BAG2: variants seen among roughly 807,000 people sequenced by gnomAD.
BAG2 encodes BAG cochaperone 2.
In BAG2, 8 loss-of-function variants were observed where a neutral mutation model predicts 16.4. That is an observed-to-expected ratio of 0.49 (90% confidence interval 0.29 to 0.88). The LOEUF is 0.88. Among genes scored for constraint, BAG2 ranks in the 40% least tolerant of loss-of-function variants. BAG2 has a pLI of 0.09. For synonymous variants in BAG2, 82 were observed against 89.2 expected (o/e 0.92, Z 0.46); for missense variants, 218 against 248.9 (o/e 0.88, Z 0.84).
intron 1 of BAG2, among the ~76,000 whole-genome samples, chr6:57,178,260 G>T (rs895881176): frequency 2.0e-5 from 3 of 152,152 alleles, no homozygotes; most frequent in Admixed American, 6.5e-5. Context: ...CAACAGCCAA[G>T]AATTTTCTAG....
rs1764620378 is a variant in BAG2, at chr6:57,186,646, T to G, written c.*2456T>G. The G allele has an allele frequency of 6.6e-6, 1 of 152,128 alleles. No homozygotes were observed. The highest frequency in any genetic ancestry group is 1.5e-5 in the Non-Finnish European group (1 of 68,018). The allele number at this position is 152,128 out of a possible 1,614,324, so 9.4% of individuals were successfully genotyped here. On this transcript the variant is annotated 3_prime_UTR_variant, in exon 3 of 3. Transcript: ENST00000370693. ...GTTGGTTCTTAACATGTATTTTTAT[T>G]TATAAGAATGGGAGTATAATTTATT...
intron 1 of BAG2, among the ~76,000 whole-genome samples, chr6:57,175,194 A>C (rs1052959328): frequency 6.6e-6 from 1 of 152,216 alleles, no homozygotes; most frequent in African/African-American, 2.4e-5. Flanking sequence ...TCAGTGGCTC[A>C]AACCATCTTG....
chr6:57,182,719 T>C (rs752837145), intron 2 of BAG2, among the ~76,000 whole-genome samples: 1 of 152,108 alleles, frequency 6.6e-6, no homozygotes, highest in Non-Finnish European at 1.5e-5. Flanking sequence ...GGCGCGATCT[T>C]GGCTCACTGC....
At position 57,187,341 on chromosome 6, in the gene BAG2, G is replaced by T. The variant is rs1374835289; in HGVS notation, c.*3151G>T. Reference sequence around the variant, plus strand: ...CTGGATATTTCAGAGTCTACTGCGGGTTTTAAATATTTTGTTAGCAAATGA... The same window carrying T: ...CTGGATATTTCAGAGTCTACTGCGGTTTTTAAATATTTTGTTAGCAAATGA... On this transcript the variant is annotated 3_prime_UTR_variant, in exon 3 of 3. Coordinates refer to ENST00000370693, the MANE Select transcript of BAG2 (RefSeq NM_004282.4). 2 of 152,108 alleles carry T rather than the reference G, an allele frequency of 1.3e-5. No homozygotes were observed. Among genetic ancestry groups the T allele is most frequent in the Non-Finnish European group, 2.9e-5 (2 of 68,012 alleles). 9.4% of individuals were successfully genotyped at this position (152,108 alleles called of 1,614,324 possible). A position where few individuals can be genotyped will look rare whatever the true frequency, so the allele number is the denominator to read the frequency against.
intron 1 of BAG2, among the ~76,000 whole-genome samples, chr6:57,179,634 T>G (rs1323565414): frequency 6.6e-6 from 1 of 152,232 alleles, no homozygotes; most frequent in Non-Finnish European, 1.5e-5. Flanking sequence ...TCTGTCACTT[T>G]CATTTTGCAA....
chr6:57,179,272 G>C (rs1415603125), intron 1 of BAG2, among the ~76,000 whole-genome samples: 1 of 152,204 alleles, frequency 6.6e-6, no homozygotes. Flanking sequence ...TTAGTTAGTA[G>C]AATATTTGTA....
chr6:57,183,989 G>A lies in BAG2; in HGVS notation c.435G>A (p.Glu145=). Residue 145 remains glutamate (E), a synonymous_variant, in exon 3 of 3, where the codon GAG becomes GAA. Transcript: ENST00000370693. ...LMSLYSACSS[E]VPHGPVDQKF... ...CGCTCTACAGTGCATGTTCATCTGAGGTGCCACATGGGCCAGTTGATCAGA... is the reference window on the plus strand; with the variant it reads ...CGCTCTACAGTGCATGTTCATCTGAAGTGCCACATGGGCCAGTTGATCAGA... The A allele has an allele frequency of 6.2e-7, 1 of 1,612,844 alleles. No individual in the cohort carries two copies. Among genetic ancestry groups the A allele is most frequent in the Non-Finnish European group, 8.5e-7 (1 of 1,179,694 alleles).
Position 57,187,423 on chromosome 6 carries a change from C to A in BAG2, c.*3233C>A, listed in dbSNP as rs1051999309. The A allele has an allele frequency of 6.6e-6, 1 of 152,050 alleles. No individual in the cohort carries two copies. The highest frequency in any genetic ancestry group is 2.4e-5 in the African/African-American group (1 of 41,398). 9.4% of individuals were successfully genotyped at this position (152,050 alleles called of 1,614,324 possible). On this transcript the variant is annotated 3_prime_UTR_variant, in exon 3 of 3. Coordinates refer to ENST00000370693, the MANE Select transcript of BAG2 (RefSeq NM_004282.4). ...TTATAGCTGAAAACCTAAGGAGTGA[C>A]AATAGTACATGTGACATTCTTAACA... is the stretch of plus-strand genomic sequence containing the variant.
In BAG2 at chr6:57,184,438, T is replaced by C. The variant is rs1438900666; in HGVS notation, c.*248T>C. On this transcript the variant is annotated 3_prime_UTR_variant, in exon 3 of 3. Coordinates refer to ENST00000370693, the MANE Select transcript of BAG2 (RefSeq NM_004282.4). ...TGTACTAGGATCTAGCATATTTCAC[T>C]ATTCTGTGGATGAATACATAGTTTG... 3.4e-6 allele frequency: 1 copy of C among 290,396 alleles called. No individual in the cohort carries two copies. The highest frequency in any genetic ancestry group is 6.3e-6 in the Non-Finnish European group (1 of 159,476). The allele number at this position is 290,396 out of a possible 1,614,324, so 18.0% of individuals were successfully genotyped here.
rs1764592937 is a variant in BAG2, at chr6:57,185,375, A to C, written c.*1185A>C. On this transcript the variant is annotated 3_prime_UTR_variant, in exon 3 of 3. Transcript: ENST00000370693. Reference sequence around the variant, plus strand: ...CTATTGATATACAAAAACCACAACAACTTCCCTGGATACTATTTTGAAATG... The same window carrying C: ...CTATTGATATACAAAAACCACAACACCTTCCCTGGATACTATTTTGAAATG... 1 of 152,186 alleles carries C rather than the reference A, an allele frequency of 6.6e-6. No homozygotes were observed. The highest frequency in any genetic ancestry group is 1.5e-5 in the Non-Finnish European group (1 of 68,030). The allele number at this position is 152,186 out of a possible 1,614,324, so 9.4% of individuals were successfully genotyped here. A position where few individuals can be genotyped will look rare whatever the true frequency, so the allele number is the denominator to read the frequency against.
At chr6:57,173,404 C>G (rs900450410) in intron 1 of BAG2, 1 of 985,296 alleles carries the variant, frequency 1.0e-6, no homozygotes, top group South Asian at 4.7e-5. Flanking sequence ...GAGACGTTGC[C>G]GCTTCTGTTT....
intron 1 of BAG2, among the ~76,000 whole-genome samples, chr6:57,177,676 T>G (rs775816720): frequency 2.0e-5 from 3 of 152,216 alleles, no homozygotes; most frequent in African/African-American, 4.8e-5. Flanking sequence ...CCTGCTTTAC[T>G]TCATTTAGTC....
At position 57,183,850 on chromosome 6, in the gene BAG2, A is replaced by T. The variant is rs1764544738; in HGVS notation, c.296A>T (p.Glu99Val). 1 of 1,613,954 alleles carries T rather than the reference A, an allele frequency of 6.2e-7. No homozygotes were observed. The highest frequency in any genetic ancestry group is 8.5e-7 in the Non-Finnish European group (1 of 1,179,942). ...ACTCTCACCGTTGAAGTGTCAGTAGAAACAATTAGAAACCCCCAGCAGCAA... is the reference window on the plus strand; with the variant it reads ...ACTCTCACCGTTGAAGTGTCAGTAGTAACAATTAGAAACCCCCAGCAGCAA... ...GRTLTVEVSV[E>V]TIRNPQQQES... The change falls in exon 3 of 3, where the codon GAA becomes GTA. Residue 99 changes from glutamate (E) to valine (V), a missense_variant. Transcript: ENST00000370693.
chr6:57,189,575 T>C lies in BAG2; in HGVS notation c.*5385T>C, dbSNP rs1764752349. 1 of 152,630 alleles carries C rather than the reference T, an allele frequency of 6.6e-6. No homozygotes were observed. Among genetic ancestry groups the C allele is most frequent in the Middle Eastern group, 3.4e-3 (1 of 294 alleles). 9.5% of individuals were successfully genotyped at this position (152,630 alleles called of 1,614,324 possible). On this transcript the variant is annotated 3_prime_UTR_variant, in exon 3 of 3. Coordinates refer to ENST00000370693, the MANE Select transcript of BAG2 (RefSeq NM_004282.4). ...AGCTCACCATGCTTATGGGTGACTA[T>C]ATCAAAAAGATCTGCAATAAGGCTC...
chr6:57,176,282 G>A (rs1393978461), intron 1 of BAG2, among the ~76,000 whole-genome samples: 1 of 152,174 alleles, frequency 6.6e-6, no homozygotes, highest in Non-Finnish European at 1.5e-5. Context: ...CTAGAGAGTA[G>A]TAAACTCCAA....
intron 2 of BAG2, 32 bp from the exon 3 acceptor site, chr6:57,183,746 C>T (rs773372690): frequency 6.8e-7 from 1 of 1,476,980 alleles, no homozygotes; most frequent in Non-Finnish European, 9.0e-7. Context: ...GTTTTTGACA[C>T]AGATAAGTTT....
rs1229456681 is a variant in BAG2, at chr6:57,188,464, A to G, written c.*4274A>G. On this transcript the variant is annotated 3_prime_UTR_variant, in exon 3 of 3. Coordinates refer to ENST00000370693, the MANE Select transcript of BAG2 (RefSeq NM_004282.4). ...ATAGAAAGGTAACACGCTTTTAGCC[A>G]CACAGCTAACATGAAAAAGAACTAA... 1 of 152,216 alleles carries G rather than the reference A, an allele frequency of 6.6e-6. No homozygotes were observed. The highest frequency in any genetic ancestry group is 6.5e-5 in the Admixed American group (1 of 15,282). 9.4% of individuals were successfully genotyped at this position (152,216 alleles called of 1,614,324 possible). A position where few individuals can be genotyped will look rare whatever the true frequency, so the allele number is the denominator to read the frequency against.
intron 1 of BAG2, among the ~76,000 whole-genome samples, chr6:57,175,523 C>T (rs1764256597): frequency 6.6e-6 from 1 of 152,224 alleles, no homozygotes; most frequent in South Asian, 2.1e-4. Flanking sequence ...TGGAGGAGGG[C>T]ATTTAGCACC....
chr6:57,183,686 T>C lies in BAG2; in HGVS notation c.224-92T>C, dbSNP rs1436746258. On this transcript the variant is annotated intron_variant, in intron 2 of 2. Transcript: ENST00000370693. ...AGCTTTTATCTCTAAAAAAATTTCA[T>C]GGCAGAGGTAAAGAAAATAATAAAT... is the stretch of plus-strand genomic sequence containing the variant. 3.7e-5 allele frequency: 44 copies of C among 1,190,996 alleles called. No individual in the cohort carries two copies. In the Admixed American group the frequency reaches 7.7e-4, roughly 21 times the overall value. The allele number at this position is 1,190,996 out of a possible 1,614,324, so 73.8% of individuals were successfully genotyped here.
Sources: gnomAD v4.1 joint callset for allele counts (sites outside exome capture counted in the v4.1 genomes callset) on GRCh38, gnomAD v4.1.1 for gene constraint, MANE v1.5 for transcripts, NCBI Gene and HGNC (gene_info 2026-07-23, HGNC 2026-07-21) for gene names.